Variants in CLEC12A observed in about 807,000 individuals in gnomAD.
CLEC12A encodes C-type lectin protein CLL-1.
A neutral mutation model predicts 26.5 loss-of-function variants in CLEC12A; 22 were observed. That is an observed-to-expected ratio of 0.83 (90% confidence interval 0.59 to 1.19). CLEC12A has a LOEUF of 1.19. CLEC12A is among the 50% of genes most tolerant of loss of function. The pLI, the probability that CLEC12A is intolerant of heterozygous loss-of-function variation, is 0.00. For synonymous variants in CLEC12A, 119 were observed against 101.9 expected (o/e 1.17, Z -1.01); for missense variants, 353 against 315.6 (o/e 1.12, Z -0.90).
chr12:9,976,983 A>C (rs993829622), intron 1 of CLEC12A, among the ~76,000 whole-genome samples: 2 of 152,272 alleles, frequency 1.3e-5, no homozygotes, highest in African/African-American at 4.8e-5. Context: ...AGGCCTCCCC[A>C]GCCGCGTGAA....
chr12:9,969,379 G>A (rs1015044715), upstream of CLEC12A, among the ~76,000 whole-genome samples: 6 of 152,200 alleles, frequency 3.9e-5, no homozygotes, highest in African/African-American at 1.4e-4. Context: ...CAACTATTTT[G>A]TATCAATAAC....
At chr12:9,971,980 T>G (rs1452311176) in intron 1 of CLEC12A, among the ~76,000 whole-genome samples, 1 of 152,078 alleles carries the variant, frequency 6.6e-6, no homozygotes, top group African/African-American at 2.4e-5. Flanking sequence ...TATGAAGATT[T>G]TATTTCTTTA....
At chr12:9,972,060 GTTT>G (rs60417066) in intron 1 of CLEC12A, among the ~76,000 whole-genome samples, 1 of 37,474 alleles carries the variant, frequency 2.7e-5, no homozygotes, top group African/African-American at 7.8e-5. Flanking sequence ...GTGTGTGTGT[GTTT>G]TTTTTTTTAT....
Position 9,980,620 on chromosome 12 carries a change from C to T in CLEC12A, c.418C>T (p.His140Tyr). ...CKPCPRRWIW[H>Y]KDSCYFLSDD... ...GCCTTGTCCAAGGAGATGGATTTGG[C>T]ATAAGGACAGCTGTTATTTCCTAAG... The change falls in exon 4 of 6, where the codon CAT (histidine) becomes TAT (tyrosine). Residue 140 changes from histidine (H) to tyrosine (Y), a missense_variant. His to Tyr is a moderately conservative substitution (Grantham distance 83). Transcript: ENST00000304361. The T allele has an allele frequency of 6.2e-7, 1 of 1,613,742 alleles. No individual in the cohort carries two copies. The highest frequency in any genetic ancestry group is 8.5e-7 in the Non-Finnish European group (1 of 1,179,790).
rs759342138 is a variant in CLEC12A, at chr12:9,979,453, T to G, written c.308T>G (p.Ile103Ser). Reference protein sequence around the residue: ...LMSNMNISNKIRNLSTTLQTI... With the variant: ...LMSNMNISNKSRNLSTTLQTI... ...AGTAACATGAATATCTCCAACAAGATCAGGAACCTCTCCACCACACTGCAA... is the reference window on the plus strand; with the variant it reads ...AGTAACATGAATATCTCCAACAAGAGCAGGAACCTCTCCACCACACTGCAA... The change falls in exon 3 of 6, where the codon ATC becomes AGC. Residue 103 changes from isoleucine (I) to serine (S), a missense_variant. By Grantham distance (142) the Ile-to-Ser change is moderately radical. Transcript: ENST00000304361. 7.4e-6 allele frequency: 12 copies of G among 1,613,300 alleles called. No individual in the cohort carries two copies.
chr12:10,001,537 T>C, the CLEC12A span, among the ~76,000 whole-genome samples: 1 of 152,204 alleles, frequency 6.6e-6, no homozygotes, highest in East Asian at 1.9e-4. Flanking sequence ...CACATGACTT[T>C]GTGGTGTTAG....
At chr12:9,961,176 C>T (rs1224466573) in intron 1 of CLEC12A, among the ~76,000 whole-genome samples, 1 of 152,066 alleles carries the variant, frequency 6.6e-6, no homozygotes, top group Non-Finnish European at 1.5e-5. Flanking sequence ...TTGTAGAGAC[C>T]AAGGTTTTAT....
At chr12:9,976,868 C>G (rs879622543) in intron 1 of CLEC12A, among the ~76,000 whole-genome samples, 8 of 152,122 alleles carry the variant, frequency 5.3e-5, no homozygotes, top group Non-Finnish European at 1.0e-4. Flanking sequence ...GAATAAGTGT[C>G]ATGAGATCTG....
At position 9,982,146 on chromosome 12, in the gene CLEC12A, G is replaced by A; in HGVS notation, c.641+17G>A. The A allele has an allele frequency of 7.3e-7, 1 of 1,371,968 alleles. No homozygotes were observed. Among genetic ancestry groups the A allele is most frequent in the Non-Finnish European group, 1.0e-6 (1 of 961,992 alleles). 85.0% of individuals were successfully genotyped at this position (1,371,968 alleles called of 1,614,324 possible). Reference sequence around the variant, plus strand: ...CTCTGCCTGGTAAGTGTCTATTCTTGTTAGAATTTTATAGCTGGGTTTGAG... The same window carrying A: ...CTCTGCCTGGTAAGTGTCTATTCTTATTAGAATTTTATAGCTGGGTTTGAG... On this transcript the variant is annotated intron_variant, in intron 5 of 5. Transcript: ENST00000304361.
intron 1 of CLEC12A, among the ~76,000 whole-genome samples, chr12:9,964,082 G>A (rs906747342): frequency 6.6e-5 from 10 of 152,236 alleles, no homozygotes; most frequent in Non-Finnish European, 1.5e-4. Flanking sequence ...AGCAGCCACA[G>A]GAATAGTAGT....
At chr12:9,986,454 A>G (rs1003148815), downstream of CLEC12A, among the ~76,000 whole-genome samples, 3 of 142,240 alleles carry the variant, frequency 2.1e-5, no homozygotes, top group African/African-American at 5.1e-5. Context: ...AAATTATAGC[A>G]AGACCAATTT....
At chr12:9,994,622 T>C (rs902342631) in intron 4 of CLEC12A, among the ~76,000 whole-genome samples, 1 of 152,104 alleles carries the variant, frequency 6.6e-6, no homozygotes, top group African/African-American at 2.4e-5. Flanking sequence ...GCTTCGTTAA[T>C]GGACATTGGA....
At chr12:9,997,304 T>G (rs1435929873), downstream of CLEC12A, 1 of 1,583,132 alleles carries the variant, frequency 6.3e-7, no homozygotes, top group South Asian at 1.1e-5. Flanking sequence ...TAAATAATAA[T>G]AATTTGTAAT....
At position 9,959,907 on chromosome 12, in the gene CLEC12A, C is replaced by T. The variant is rs576652669; in HGVS notation, c.10+8551C>T. Among the ~76,000 whole-genome samples, 77 of 152,262 alleles carry T rather than the reference C, an allele frequency of 5.1e-4. 1 individual carries two copies. Among genetic ancestry groups the T allele is most frequent in the African/African-American group, 1.7e-3 (71 of 41,534 alleles). ...TTGAGGATTTTTTCCTCCCCTGAAA[C>T]AGAAGCTATGTCATACATGAAACAA... On this transcript the variant is annotated intron_variant, in intron 1 of 6. Coordinates refer to the CLEC12A transcript ENST00000355690.
At chr12:9,956,680 A>G (rs1432570290) in intron 1 of CLEC12A, among the ~76,000 whole-genome samples, 1 of 152,264 alleles carries the variant, frequency 6.6e-6, no homozygotes, top group Non-Finnish European at 1.5e-5. Context: ...GTTTATGCAA[A>G]TAATCAGGCA....
At chr12:10,004,503 C>G in the CLEC12A span, among the ~76,000 whole-genome samples, 1 of 152,028 alleles carries the variant, frequency 6.6e-6, no homozygotes, top group Non-Finnish European at 1.5e-5. Flanking sequence ...AGCCAAACTC[C>G]TCTTGGCGTT....
downstream of CLEC12A, among the ~76,000 whole-genome samples, chr12:9,996,195 C>A (rs1421555897): frequency 1.3e-5 from 2 of 152,080 alleles, no homozygotes; most frequent in Non-Finnish European, 2.9e-5. Context: ...CCACCGGGAA[C>A]CTTTCTGTTA....
upstream of CLEC12A, among the ~76,000 whole-genome samples, chr12:9,970,999 T>G (rs755299200): frequency 6.6e-5 from 10 of 152,170 alleles, no homozygotes; most frequent in Non-Finnish European, 1.3e-4. Flanking sequence ...CTATGTAACA[T>G]GGCAACGGAA....
downstream of CLEC12A, among the ~76,000 whole-genome samples, chr12:9,989,238 A>G (rs1186275855): frequency 2.0e-5 from 3 of 151,546 alleles, no homozygotes; most frequent in Non-Finnish European, 2.9e-5. Context: ...GGGGAGGGAT[A>G]GCATTAGGAG....
Sources: gnomAD v4.1 joint callset for allele counts (sites outside exome capture counted in the v4.1 genomes callset) on GRCh38, gnomAD v4.1.1 for gene constraint, MANE v1.5 for transcripts, NCBI Gene and HGNC (gene_info 2026-07-23, HGNC 2026-07-21) for gene names.